Variants in FAM153A observed in about 807,000 individuals in gnomAD.
FAM153A encodes the protein family with sequence similarity 153 member A.
In FAM153A, 12 loss-of-function variants were observed where a neutral mutation model predicts 48.1. The observed-to-expected ratio is 0.25, with a 90% CI of 0.16 to 0.40. The LOEUF (loss-of-function observed/expected upper bound fraction) is 0.40, where lower values mean the gene tolerates loss of function less well. FAM153A is among the 10% of genes least tolerant of loss of function. FAM153A has a pLI of 1.00. For missense variants in FAM153A, 111 were observed against 345.8 expected (o/e 0.32, Z 5.38); for synonymous variants, 36 against 118.2 (o/e 0.30, Z 4.51).
chr5:177,753,633 CAG>C (rs1767338093), upstream of FAM153A, among the ~76,000 whole-genome samples: 1 of 149,564 alleles, frequency 6.7e-6, no homozygotes, highest in African/African-American at 2.5e-5. Context: ...CCTGAGTCAC[CAG>C]AGAGTCCTAG....
In FAM153A at chr5:177,736,599, T is replaced by TC; in HGVS notation, c.643dup (p.Asp215GlyfsTer23). 1 of 1,580,394 alleles carries TC rather than the reference T, an allele frequency of 6.3e-7. No individual in the cohort carries two copies. The highest frequency in any genetic ancestry group is 8.6e-7 in the Non-Finnish European group (1 of 1,164,976). On this transcript the variant is annotated frameshift_variant, in exon 12 of 21. Coordinates refer to ENST00000614127, the Ensembl canonical transcript of FAM153A. LOFTEE classifies it high-confidence loss of function. ...CGTACATTCGGCCAGTGTGTCTGGGTCCCCCTCCATCTAGAGAAAAACAAA... is the reference window on the plus strand; with the variant it reads ...CGTACATTCGGCCAGTGTGTCTGGGTCCCCCCTCCATCTAGAGAAAAACAAA...
At chr5:177,705,915 C>A (rs1478917349), downstream of FAM153A, among the ~76,000 whole-genome samples, 1 of 151,560 alleles carries the variant, frequency 6.6e-6, no homozygotes, top group African/African-American at 2.4e-5. Context: ...GCCTCGGCCT[C>A]CCAAAGTGCT....
At chr5:177,746,691 T>C (rs538538549) in intron 4 of FAM153A, among the ~76,000 whole-genome samples, 12,154 of 150,266 alleles carry the variant, frequency 0.081, 545 homozygotes, top group Non-Finnish European at 0.09. Context: ...CTGTTGCTCA[T>C]ACTCACACTG....
At chr5:177,705,875 G>T (rs1446349142), downstream of FAM153A, among the ~76,000 whole-genome samples, 2 of 151,398 alleles carry the variant, frequency 1.3e-5, no homozygotes, top group South Asian at 2.1e-4. Context: ...GGCCAGGCTG[G>T]TCTTGAACTC....
chr5:177,714,430 T>A (rs1361403911), intron 25 of FAM153A, among the ~76,000 whole-genome samples: 1 of 150,958 alleles, frequency 6.6e-6, no homozygotes, highest in African/African-American at 2.5e-5. Context: ...AACTGACAAT[T>A]TTATAAAATA....
chr5:177,755,005 GAGA>G (rs1403327718), upstream of FAM153A, among the ~76,000 whole-genome samples: 1 of 151,934 alleles, frequency 6.6e-6, no homozygotes, highest in African/African-American at 2.4e-5. Flanking sequence ...TTGACGAGTA[GAGA>G]AGAAGGATTC....
upstream of FAM153A, among the ~76,000 whole-genome samples, chr5:177,755,387 T>A (rs1175920569): frequency 2.6e-5 from 4 of 151,744 alleles, no homozygotes; most frequent in Non-Finnish European, 5.9e-5. Flanking sequence ...ATGGGGAGAA[T>A]GGAACCAAGT....
At chr5:177,707,670 C>T (rs912965523), downstream of FAM153A, among the ~76,000 whole-genome samples, 2 of 151,752 alleles carry the variant, frequency 1.3e-5, no homozygotes, top group African/African-American at 4.9e-5. Flanking sequence ...AGCAATTCTC[C>T]TACCTCAGCC....
At chr5:177,711,385 G>GA (rs1380407694) in exon 27 of FAM153A, 1 of 151,890 alleles carries the variant, frequency 6.6e-6, no homozygotes, top group Middle Eastern at 3.2e-3. Flanking sequence ...TTTTTAAGTA[G>GA]AAGGAAGCAA....
In FAM153A at chr5:177,739,177, A is replaced by G. The variant is rs769199823; in HGVS notation, c.538-40T>C. ...AGAAAAACACCATGAGGGTAAGATC[A>G]TGCTGTCTCTGTGCACAGGTCTTTT... On this transcript the variant is annotated intron_variant, in intron 9 of 20. Coordinates refer to ENST00000614127, the Ensembl canonical transcript of FAM153A. 8.4e-5 allele frequency: 135 copies of G among 1,610,386 alleles called. 2 individuals are homozygous for G. The highest frequency in any genetic ancestry group is 1.1e-4 in the Non-Finnish European group (132 of 1,179,098).
intron 18 of FAM153A, among the ~76,000 whole-genome samples, chr5:177,728,342 T>G (rs1763007910): frequency 6.7e-6 from 1 of 149,068 alleles, no homozygotes; most frequent in Non-Finnish European, 1.5e-5. Flanking sequence ...GAATTTTTCT[T>G]GGACATTGAT....
At chr5:177,759,317 G>A (rs1419260469) in intron 1 of FAM153A, among the ~76,000 whole-genome samples, 11 of 151,772 alleles carry the variant, frequency 7.2e-5, no homozygotes, top group Non-Finnish European at 1.3e-4. Context: ...GTCAGGAAAC[G>A]ACAGGTGCTG....
upstream of FAM153A, among the ~76,000 whole-genome samples, chr5:177,754,892 CA>C: frequency 1.3e-5 from 2 of 151,972 alleles, no homozygotes; most frequent in East Asian, 1.9e-4. Flanking sequence ...TGGGGAAAAA[CA>C]GAGCAGAAAA....
chr5:177,743,193 TTTTTTTTGTTTTG>T (rs1334375171), intron 6 of FAM153A, among the ~76,000 whole-genome samples: 1 of 51,218 alleles, frequency 2.0e-5, no homozygotes, highest in Non-Finnish European at 4.0e-5. Context: ...TTCACTTGTT[TTTTTTTTGTTTTG>T]TTTTTTTTTT....
the FAM153A span, among the ~76,000 whole-genome samples, chr5:177,702,861 A>G: frequency 6.6e-6 from 1 of 151,932 alleles, no homozygotes; most frequent in Admixed American, 6.5e-5. Flanking sequence ...CTCTGCCTGT[A>G]TTTCAGAGGA....
chr5:177,694,333 C>G, the FAM153A span, among the ~76,000 whole-genome samples: 1 of 136,838 alleles, frequency 7.3e-6, no homozygotes, highest in African/African-American at 2.9e-5. Flanking sequence ...CTTTAGTTGT[C>G]TCTGTGCTCA....
At chr5:177,721,597 GAGGCTCAACCTCCT>G (rs1249446310), downstream of FAM153A, among the ~76,000 whole-genome samples, 2 of 98,478 alleles carry the variant, frequency 2.0e-5, no homozygotes, top group Non-Finnish European at 4.0e-5. Flanking sequence ...TGGCTTACTG[GAGGCTCAACCTCCT>G]AGGCTCAACC....
At chr5:177,728,575 G>T (rs2334809) in intron 18 of FAM153A, among the ~76,000 whole-genome samples, 17 of 137,946 alleles carry the variant, frequency 1.2e-4, no homozygotes, top group African/African-American at 2.7e-4. Context: ...GTTTGTTTTT[G>T]TTTTTTTTTT....
chr5:177,714,113 C>T (rs996010482), intron 25 of FAM153A: 1 of 151,550 alleles, frequency 6.6e-6, no homozygotes, highest in Non-Finnish European at 1.5e-5. Context: ...ATGTTAGTGG[C>T]AAAGCTTCCA....
Sources: gnomAD v4.1 joint callset for allele counts (sites outside exome capture counted in the v4.1 genomes callset) on GRCh38, gnomAD v4.1.1 for gene constraint, MANE v1.5 for transcripts, NCBI Gene and HGNC (gene_info 2026-07-23, HGNC 2026-07-21) for gene names.